Variants in CCR3 observed in about 807,000 individuals in gnomAD.
CCR3 encodes the protein C-C chemokine receptor type 3.
For missense variants in CCR3, 419 were observed against 437.5 expected, an observed-to-expected ratio of 0.96 and a Z score of 0.38; for synonymous variants, 203 against 179.2, an observed-to-expected ratio of 1.13 and a Z score of -1.06.
chr3:46,256,468 G>GA (rs1700426581), intron 1 of CCR3, among the ~76,000 whole-genome samples: 1 of 151,938 alleles, frequency 6.6e-6, no homozygotes. Context: ...ATATAACTCT[G>GA]AAAACAATAA....
intron 1 of CCR3, among the ~76,000 whole-genome samples, chr3:46,261,424 A>T (rs918197441): frequency 6.6e-6 from 1 of 152,258 alleles, no homozygotes; most frequent in African/African-American, 2.4e-5. Flanking sequence ...GACAAAGGTG[A>T]TATTTCAAGC....
chr3:46,225,586 A>G (rs983655670), intron 2 of CCR3, among the ~76,000 whole-genome samples: 3 of 152,092 alleles, frequency 2.0e-5, no homozygotes, highest in East Asian at 1.9e-4. Flanking sequence ...TTGTTTTACT[A>G]TTCTTTATTT....
At chr3:46,262,933 G>A (rs1700554131) in intron 1 of CCR3, among the ~76,000 whole-genome samples, 1 of 152,176 alleles carries the variant, frequency 6.6e-6, no homozygotes, top group South Asian at 2.1e-4. Context: ...GGGATTACAG[G>A]CATGAGCCAA....
chr3:46,230,109 G>A (rs1699944786), intron 2 of CCR3, among the ~76,000 whole-genome samples: 1 of 152,092 alleles, frequency 6.6e-6, no homozygotes, highest in Non-Finnish European at 1.5e-5. Flanking sequence ...CAAGCAGCTG[G>A]AAGCAAAAAA....
At chr3:46,245,386 C>A (rs771523618) in intron 1 of CCR3, among the ~76,000 whole-genome samples, 3 of 149,258 alleles carry the variant, frequency 2.0e-5, no homozygotes, top group Non-Finnish European at 3.0e-5. Context: ...TCTACTTCCT[C>A]TTCTACAGGA....
chr3:46,238,732 T>C (rs41502550), upstream of CCR3, among the ~76,000 whole-genome samples: 29,596 of 152,010 alleles, frequency 0.19, 3,119 homozygotes, highest in Admixed American at 0.28. Flanking sequence ...ATTTCTCAGG[T>C]GAGACAGAGA....
upstream of CCR3, among the ~76,000 whole-genome samples, chr3:46,238,170 T>C (rs1438581333): frequency 6.6e-6 from 1 of 152,194 alleles, no homozygotes; most frequent in Non-Finnish European, 1.5e-5. Flanking sequence ...ATTTTCAGAG[T>C]GGCTATACAA....
intron 1 of CCR3, among the ~76,000 whole-genome samples, chr3:46,253,500 G>C (rs188706523): frequency 6.6e-6 from 1 of 152,038 alleles, no homozygotes; most frequent in Non-Finnish European, 1.5e-5. Flanking sequence ...CATTTCAATT[G>C]GTCAATGTTT....
intron 1 of CCR3, chr3:46,263,560 A>C (rs1332440490): frequency 1.3e-5 from 2 of 153,070 alleles, no homozygotes; most frequent in East Asian, 3.8e-4. Flanking sequence ...GTTCCACCCA[A>C]GGGACCCTAT....
chr3:46,250,674 G>A (rs1008232218), intron 1 of CCR3, among the ~76,000 whole-genome samples: 1 of 152,098 alleles, frequency 6.6e-6, no homozygotes, highest in Non-Finnish European at 1.5e-5. Context: ...TTTAGGACAG[G>A]TGTAAGTTGA....
At chr3:46,239,919 C>T (rs1700062485), upstream of CCR3, among the ~76,000 whole-genome samples, 1 of 152,200 alleles carries the variant, frequency 6.6e-6, no homozygotes, top group Admixed American at 6.5e-5. Context: ...AGTACTATAA[C>T]TCAAAATCCT....
intron 1 of CCR3, among the ~76,000 whole-genome samples, chr3:46,256,137 G>A (rs1700419894): frequency 6.6e-6 from 1 of 151,968 alleles, no homozygotes; most frequent in Admixed American, 6.6e-5. Context: ...TTTGTGATTT[G>A]CTGTTATACA....
At chr3:46,242,152 T>A (rs1409716290), upstream of CCR3, among the ~76,000 whole-genome samples, 4 of 150,084 alleles carry the variant, frequency 2.7e-5, 1 homozygote, top group Admixed American at 2.0e-4. Context: ...AAAAAAATTA[T>A]AACAACCCCC....
In CCR3 at chr3:46,265,488, A is replaced by C; in HGVS notation, c.330A>C (p.Ser110=). 6.2e-7 allele frequency: 1 copy of C among 1,614,134 alleles called. No individual in the cohort carries two copies. Among genetic ancestry groups the C allele is most frequent in the East Asian group, 2.2e-5 (1 of 44,882 alleles). ...GCCATGGCATGTGTAAGCTCCTCTC[A>C]GGGTTTTATCACACAGGCTTGTACA... ...VFGHGMCKLL[S]GFYHTGLYSE... The change falls in exon 2 of 2, where the codon TCA becomes TCC. Residue 110 remains serine (S), a synonymous_variant. Coordinates refer to ENST00000395940, the MANE Select transcript of CCR3 (RefSeq NM_178329.3).
Position 46,265,833 on chromosome 3 carries a change from G to T in CCR3, c.675G>T (p.Thr225=), listed in dbSNP as rs1384093312. The change falls in exon 2 of 2, where the codon ACG becomes ACT. Residue 225 remains threonine, a synonymous_variant. Coordinates refer to ENST00000395940, the MANE Select transcript of CCR3 (RefSeq NM_178329.3). The part of the protein sequence containing the change: ...MAICYTGIIK[T]LLRCPSKKKY... Reference sequence around the variant, plus strand: ...TCTGCTACACAGGAATCATCAAAACGCTGCTGAGGTGCCCCAGTAAAAAAA... The same window carrying T: ...TCTGCTACACAGGAATCATCAAAACTCTGCTGAGGTGCCCCAGTAAAAAAA... The T allele has an allele frequency of 3.1e-6, 5 of 1,613,948 alleles. No individual in the cohort carries two copies. The highest frequency in any genetic ancestry group is 4.2e-6 in the Non-Finnish European group (5 of 1,179,982).
At chr3:46,253,204 C>A (rs1004466960) in intron 1 of CCR3, among the ~76,000 whole-genome samples, 4 of 152,154 alleles carry the variant, frequency 2.6e-5, no homozygotes, top group African/African-American at 9.7e-5. Context: ...AGTCACTCAG[C>A]CTCTGAGTGA....
intron 2 of CCR3, among the ~76,000 whole-genome samples, chr3:46,213,868 T>A (rs1246780941): frequency 6.6e-6 from 1 of 152,158 alleles, no homozygotes; most frequent in Non-Finnish European, 1.5e-5. Flanking sequence ...ATGCCCTCAC[T>A]TCCCATCATC....
intron 2 of CCR3, among the ~76,000 whole-genome samples, chr3:46,232,939 T>A (rs1237637338): frequency 6.6e-6 from 1 of 152,168 alleles, no homozygotes; most frequent in Non-Finnish European, 1.5e-5. Flanking sequence ...TTCAAGCAAT[T>A]CTCCTGCCTC....
At chr3:46,241,975 A>G (rs1490639933), upstream of CCR3, among the ~76,000 whole-genome samples, 1 of 152,108 alleles carries the variant, frequency 6.6e-6, no homozygotes, top group African/African-American at 2.4e-5. Context: ...TCTACTAAAA[A>G]TACAAAAATT....
Sources: gnomAD v4.1 joint callset for allele counts (sites outside exome capture counted in the v4.1 genomes callset) on GRCh38, gnomAD v4.1.1 for gene constraint, MANE v1.5 for transcripts, NCBI Gene and HGNC (gene_info 2026-07-23, HGNC 2026-07-21) for gene names.